Variants in IPO7 observed in about 807,000 individuals in gnomAD.
IPO7 encodes importin-7.
A neutral mutation model predicts 136.4 loss-of-function variants in IPO7; 13 were observed. That is an observed-to-expected ratio of 0.10 (90% CI 0.06 to 0.15). The LOEUF (loss-of-function observed/expected upper bound fraction) is 0.15. Ranked by LOEUF, IPO7 falls within the 10% of genes least tolerant of loss-of-function variation. IPO7 has a pLI of 1.00. For missense variants in IPO7, 857 were observed against 1,240.6 expected (o/e 0.69, Z 4.65); for synonymous variants, 403 against 404.4 (o/e 1.00, Z 0.04).
In IPO7 at chr11:9,387,774, T is replaced by G. The variant is rs190048721; in HGVS notation, c.84+2927T>G. On this transcript the variant is annotated intron_variant, in intron 1 of 24. Coordinates refer to ENST00000379719, the MANE Select transcript of IPO7 (RefSeq NM_006391.3). Reference sequence around the variant, plus strand: ...TGAACCTGGGAGGCGGAGGTTGCGGTGAGCTGAGATCGTGCCACTGCACTC... The same window carrying G: ...TGAACCTGGGAGGCGGAGGTTGCGGGGAGCTGAGATCGTGCCACTGCACTC... Among the ~76,000 whole-genome samples the G allele has an allele frequency of 9.6e-4, 145 of 151,554 alleles. 2 individuals carry two copies. The East Asian group carries it at 0.027, about 29-fold the overall frequency.
At chr11:9,397,341 A>AAAATATATATATATAT in intron 1 of IPO7, among the ~76,000 whole-genome samples, 6 of 10,760 alleles carry the variant, frequency 5.6e-4, no homozygotes, top group Non-Finnish European at 7.3e-4. Flanking sequence ...TTTAAAAAAA[A>AAAATATATATATATAT]ATATATATAT....
chr11:9,436,205 T>C, intron 19 of IPO7, 66 bp from the exon 20 acceptor site: 1 of 1,101,886 alleles, frequency 9.1e-7, no homozygotes, highest in Middle Eastern at 2.0e-4. Flanking sequence ...GGAAATTGTT[T>C]CCTTGATTTA....
chr11:9,413,101 A>C (rs1246956059), intron 4 of IPO7, among the ~76,000 whole-genome samples: 1 of 151,958 alleles, frequency 6.6e-6, no homozygotes, highest in Non-Finnish European at 1.5e-5. Flanking sequence ...GATGGTCTTG[A>C]TCTCCTGACC....
intron 2 of IPO7, among the ~76,000 whole-genome samples, chr11:9,404,052 C>A (rs1167704782): frequency 1.3e-5 from 2 of 152,068 alleles, no homozygotes; most frequent in Non-Finnish European, 2.9e-5. Flanking sequence ...AATTTATTTG[C>A]AGATGTAATA....
rs756531592 is a variant in IPO7 at position 9,423,108 on chromosome 11, C to G, written c.1009C>G (p.Leu337Val). Residue 337 changes from leucine (L) to valine (V), a missense_variant, in exon 9 of 25, where the codon CTC (leucine) becomes GTC (valine). Around this residue, in one of 11 missense-constraint regions of IPO7, gnomAD observed 127 missense variants for 222.4 expected, o/e 0.57. Coordinates refer to ENST00000379719, the MANE Select transcript of IPO7 (RefSeq NM_006391.3). Reference protein sequence around the residue: ...NYINQGVSHALTWKNLKPHIQ... With the variant: ...NYINQGVSHAVTWKNLKPHIQ... ...TATTAATCAAGGAGTTTCTCATGCTCTCACCTGGAAGAATCTGAAGCCCCA... is the reference window on the plus strand; with the variant it reads ...TATTAATCAAGGAGTTTCTCATGCTGTCACCTGGAAGAATCTGAAGCCCCA... The G allele has an allele frequency of 7.5e-6, 12 of 1,591,112 alleles. No homozygotes were observed. The highest frequency in any genetic ancestry group is 1.0e-5 in the Non-Finnish European group (12 of 1,161,630).
At chr11:9,438,656 A>C (rs1028787552) in intron 22 of IPO7, among the ~76,000 whole-genome samples, 2 of 151,996 alleles carry the variant, frequency 1.3e-5, no homozygotes, top group East Asian at 3.9e-4. Flanking sequence ...ATATATCACT[A>C]GCCCTTCTCC....
intron 1 of IPO7, among the ~76,000 whole-genome samples, chr11:9,397,341 A>AAAAAAAAAAAAAAAAAAAAAATAT: frequency 1.9e-4 from 2 of 10,762 alleles, no homozygotes; most frequent in Non-Finnish European, 3.7e-4. Context: ...TTTAAAAAAA[A>AAAAAAAAAAAAAAAAAAAAAATAT]ATATATATAT....
At chr11:9,391,955 C>T (rs1590424889) in intron 1 of IPO7, among the ~76,000 whole-genome samples, 1 of 151,664 alleles carries the variant, frequency 6.6e-6, no homozygotes, top group Admixed American at 6.6e-5. Flanking sequence ...TTTGTAGAGA[C>T]GAGGTCTGTC....
chr11:9,419,375 C>G (rs1023877138), intron 6 of IPO7, among the ~76,000 whole-genome samples: 22 of 151,364 alleles, frequency 1.5e-4, no homozygotes, highest in African/African-American at 4.1e-4. Flanking sequence ...TGGTGAAACC[C>G]TGTCTCTACT....
intron 5 of IPO7, 158 bp downstream of exon 5, chr11:9,414,569 G>T: frequency 4.0e-6 from 1 of 252,778 alleles, no homozygotes; most frequent in Non-Finnish European, 7.6e-6. Flanking sequence ...AAAATTATAA[G>T]TCTAAACAAG....
intron 12 of IPO7, among the ~76,000 whole-genome samples, chr11:9,427,529 G>A (rs918319405): frequency 1.3e-5 from 2 of 152,138 alleles, no homozygotes; most frequent in Non-Finnish European, 2.9e-5. Context: ...CAAAATGCTG[G>A]GATTACAGGC....
intron 4 of IPO7, among the ~76,000 whole-genome samples, chr11:9,413,345 G>A (rs1854995258): frequency 6.6e-6 from 1 of 152,030 alleles, no homozygotes; most frequent in African/African-American, 2.4e-5. Flanking sequence ...GATGCTTTTA[G>A]AAATAAAATA....
At chr11:9,436,472 A>T (rs1191799107) in intron 20 of IPO7, 106 bp downstream of exon 20, 1 of 666,216 alleles carries the variant, frequency 1.5e-6, no homozygotes, top group Non-Finnish European at 2.6e-6. Flanking sequence ...GTTTTTGTTT[A>T]TTGAGACATC....
intron 1 of IPO7, among the ~76,000 whole-genome samples, chr11:9,388,954 A>G (rs1004348538): frequency 4.5e-4 from 69 of 152,084 alleles, no homozygotes; most frequent in African/African-American, 1.6e-3. Context: ...TTATTCCTTG[A>G]TTTCCCAGTA....
In IPO7 at chr11:9,440,445, G is replaced by C. The variant is rs942311150; in HGVS notation, c.2696-10G>C. 2 of 1,604,896 alleles carry C rather than the reference G, an allele frequency of 1.2e-6. No homozygotes were observed. Among genetic ancestry groups the C allele is most frequent in the Non-Finnish European group, 1.7e-6 (2 of 1,171,980 alleles). On this transcript the variant is annotated splice_polypyrimidine_tract_variant and intron_variant, in intron 22 of 24. Transcript: ENST00000379719. ...ATTGTTATAAAAGTACTTATATTAT[G>C]ACTTGGCAGAGGAACTGGGGAGTGA...
intron 8 of IPO7, among the ~76,000 whole-genome samples, chr11:9,422,432 TATC>T (rs946655724): frequency 1.3e-5 from 2 of 151,512 alleles, no homozygotes; most frequent in African/African-American, 4.9e-5. Flanking sequence ...AAAAAGACAA[TATC>T]ATTATGAAAG....
At chr11:9,420,089 G>C (rs534593916) in intron 6 of IPO7, among the ~76,000 whole-genome samples, 71 of 152,108 alleles carry the variant, frequency 4.7e-4, no homozygotes, top group African/African-American at 1.7e-3. Context: ...TTTGGGAGGC[G>C]GAGGCGGGTG....
intron 19 of IPO7, 127 bp downstream of exon 19, chr11:9,435,158 T>C: frequency 1.6e-6 from 1 of 641,710 alleles, no homozygotes; most frequent in Admixed American, 2.9e-5. Context: ...AATTAAGGGC[T>C]TTAAAAGTTA....
At chr11:9,390,641 A>G (rs1185056558) in intron 1 of IPO7, among the ~76,000 whole-genome samples, 2 of 152,180 alleles carry the variant, frequency 1.3e-5, no homozygotes, top group Admixed American at 1.3e-4. Flanking sequence ...TTATTCAATG[A>G]TATAGCTTGT....
Sources: allele counts gnomAD v4.1 joint callset (sites outside exome capture counted in the v4.1 genomes callset), GRCh38; gene constraint gnomAD v4.1.1; regional missense constraint gnomAD v4.1.1; transcripts MANE v1.5; gene names NCBI Gene and HGNC (gene_info 2026-07-23, HGNC 2026-07-21).